Variants in LBX2 observed in about 807,000 individuals in gnomAD.
The protein encoded by LBX2 is ladybird homeobox 2.
LBX2 carries 6 observed loss-of-function variants against 7.5 expected under a neutral mutation model. The observed-to-expected ratio is 0.80, with a 90% CI of 0.44 to 1.59. The LOEUF (loss-of-function observed/expected upper bound fraction) is 1.59. LBX2 is among the 40% of genes most tolerant of loss of function. The pLI is 0.01. For missense variants in LBX2, 281 were observed against 282.0 expected (o/e 1.00, Z 0.03); for synonymous variants, 143 against 133.2 (o/e 1.07, Z -0.51).
At chr2:74,500,470 C>T (rs911388143), upstream of LBX2, among the ~76,000 whole-genome samples, 5 of 152,162 alleles carry the variant, frequency 3.3e-5, no homozygotes, top group Non-Finnish European at 7.4e-5. Flanking sequence ...AGCAAGGTGC[C>T]CTGACCAGAG....
At position 74,498,088 on chromosome 2, in the gene LBX2, C is replaced by T. The variant is rs1474248856; in HGVS notation, c.436G>A (p.Glu146Lys). 1 of 1,613,236 alleles carries T rather than the reference C, an allele frequency of 6.2e-7. No homozygotes were observed. ...RRAKLKRDVEEMRADVASLRA... is the reference protein window; with the variant it reads ...RRAKLKRDVEKMRADVASLRA... Reference sequence around the variant, plus strand: ...AGCGAGGCGACGTCGGCGCGCATCTCCTCCACATCGCGCTTGAGCTTGGCT... The same window carrying T: ...AGCGAGGCGACGTCGGCGCGCATCTTCTCCACATCGCGCTTGAGCTTGGCT... The change falls in exon 2 of 2, where the codon GAG becomes AAG. Residue 146 changes from glutamate to lysine, a missense_variant. By Grantham distance (56) the Glu-to-Lys change is moderately conservative (BLOSUM62 1). This residue lies in a region of LBX2 where 216 missense variants were observed against 208.7 expected (regional missense o/e 1.03). Coordinates refer to ENST00000377566, the MANE Select transcript of LBX2 (RefSeq NM_001282430.2).
chr2:74,502,400 T>C (rs1674502797), upstream of LBX2: 2 of 487,660 alleles, frequency 4.1e-6, no homozygotes, highest in Admixed American at 3.9e-5. This position sits in a 1 kb window ranked among gnomAD's most constrained non-coding sequence, Gnocchi z 5.4. Flanking sequence ...ATTCTGTGAA[T>C]GTGTAGCAGG....
upstream of LBX2, among the ~76,000 whole-genome samples, chr2:74,500,430 G>C (rs960516967): frequency 6.6e-6 from 1 of 152,104 alleles, no homozygotes; most frequent in South Asian, 2.1e-4. Flanking sequence ...GGTTTCCCCA[G>C]CCTGCAGAGG....
In LBX2 at chr2:74,499,562, G is replaced by A. The variant is rs1239097820; in HGVS notation, c.-25C>T. ...TGGTCGGCCGGGCTGGGGCGGTCCG[G>A]CTGTCCGTTGCGCTAGGCTCCGCAA... is the stretch of plus-strand genomic sequence containing the variant. On this transcript the variant is annotated 5_prime_UTR_variant, in exon 1 of 2. Transcript: ENST00000377566. This position sits in a 1 kb window ranked among gnomAD's most constrained non-coding sequence, Gnocchi z 4.6. 2 of 1,539,324 alleles carry A rather than the reference G, an allele frequency of 1.3e-6. No individual in the cohort carries two copies. The highest frequency in any genetic ancestry group is 2.2e-4 in the Middle Eastern group (1 of 4,516).
In LBX2 at chr2:74,499,350, G is replaced by A; in HGVS notation, c.188C>T (p.Ala63Val). 2 of 1,550,540 alleles carry A rather than the reference G, an allele frequency of 1.3e-6. No homozygotes were observed. The highest frequency in any genetic ancestry group is 1.7e-6 in the Non-Finnish European group (2 of 1,146,910). The change falls in exon 1 of 2, where the codon GCT becomes GTT. Residue 63 changes from alanine to valine, a missense_variant. Coordinates refer to ENST00000377566, the MANE Select transcript of LBX2 (RefSeq NM_001282430.2). The surrounding 1 kb of genome is among the most constrained non-coding windows in gnomAD (Gnocchi z 4.6). ...SKTFRGLDARALQPSEGRAGP... is the reference protein window; with the variant it reads ...SKTFRGLDARVLQPSEGRAGP... ...CTCTATACCTTCAGAGGGCTGCAGAGCGCGCGCGTCAAGTCCGCGGAAAGT... is the reference window on the plus strand; with the variant it reads ...CTCTATACCTTCAGAGGGCTGCAGAACGCGCGCGTCAAGTCCGCGGAAAGT...
chr2:74,499,201 G>A lies in LBX2; in HGVS notation c.205+132C>T, dbSNP rs1674431672. 3.8e-6 allele frequency: 3 copies of A among 792,756 alleles called. No individual in the cohort carries two copies. The highest frequency in any genetic ancestry group is 6.1e-6 in the Non-Finnish European group (3 of 489,842). 49.1% of individuals were successfully genotyped at this position (792,756 alleles called of 1,614,324 possible). A position where few individuals can be genotyped will look rare whatever the true frequency, so the allele number is the denominator to read the frequency against. ...TGAGAAGTCGCAGGTGCGAGTCCTG[G>A]CACGTGGGCTGAGGACAGGGGAGGA... is the stretch of plus-strand genomic sequence containing the variant. On this transcript the variant is annotated intron_variant, in intron 1 of 1. Coordinates refer to ENST00000377566, the MANE Select transcript of LBX2 (RefSeq NM_001282430.2). The surrounding 1 kb of genome is among the most constrained non-coding windows in gnomAD (Gnocchi z 4.6).
At chr2:74,500,770 G>A (rs1674469284), upstream of LBX2, among the ~76,000 whole-genome samples, 1 of 152,190 alleles carries the variant, frequency 6.6e-6, no homozygotes, top group Non-Finnish European at 1.5e-5. Context: ...CCAAACAGCT[G>A]GAGGATTCAC....
Position 74,498,013 on chromosome 2 carries a change from C to G in LBX2, c.511G>C (p.Ala171Pro), listed in dbSNP as rs201832456. 1.2e-6 allele frequency: 2 copies of G among 1,610,928 alleles called. No individual in the cohort carries two copies. Among genetic ancestry groups the G allele is most frequent in the East Asian group, 4.5e-5 (2 of 44,710 alleles). Reference sequence around the variant, plus strand: ...CCGAGGCAGAGGCCGGGATCTGGAGCGCCTTCGGGCAGTGCTAAGCTGCAC... The same window carrying G: ...CCGAGGCAGAGGCCGGGATCTGGAGGGCCTTCGGGCAGTGCTAAGCTGCAC... ...VLCSLALPEG[A>P]PDPGLCLGPA... Residue 171 changes from alanine (A) to proline (P), a missense_variant, in exon 2 of 2, where the codon GCT becomes CCT. By Grantham distance (27) the Ala-to-Pro change is conservative. Around this residue, in one of 3 missense-constraint regions of LBX2, gnomAD observed 59 missense variants for 52.9 expected, o/e 1.11. Coordinates refer to ENST00000377566, the MANE Select transcript of LBX2 (RefSeq NM_001282430.2).
At chr2:74,502,366 T>G, upstream of LBX2, 1 of 418,244 alleles carries the variant, frequency 2.4e-6, no homozygotes, top group Non-Finnish European at 4.3e-6. The surrounding 1 kb of genome is among the most constrained non-coding windows in gnomAD (Gnocchi z 5.4). Flanking sequence ...TAGTCTCGGA[T>G]TGCCGGCCCG....
In LBX2 at chr2:74,498,267, C is replaced by G; in HGVS notation, c.257G>C (p.Arg86Pro). Residue 86 changes from arginine to proline, a missense_variant, in exon 2 of 2, where the codon CGC becomes CCC. Arg to Pro is a moderately radical substitution (Grantham distance 103). Transcript: ENST00000377566. ...LGPGPFGRKR[R>P]KSRTAFTAQQ... ...CGCGGTGAACGCAGTGCGTGACTTG[C>G]GCCGTTTGCGGCCGAAGGGACCAGG... The G allele has an allele frequency of 6.3e-7, 1 of 1,589,066 alleles. No homozygotes were observed. Among genetic ancestry groups the G allele is most frequent in the Non-Finnish European group, 8.5e-7 (1 of 1,171,232 alleles).
upstream of LBX2, chr2:74,502,242 C>T (rs113362902): frequency 5.1e-6 from 1 of 196,602 alleles, no homozygotes; most frequent in Non-Finnish European, 1.0e-5. This position sits in a 1 kb window ranked among gnomAD's most constrained non-coding sequence, Gnocchi z 5.4. Context: ...TCAGCCCTAC[C>T]CCCACCTTAT....
upstream of LBX2, chr2:74,499,848 A>T: frequency 2.4e-6 from 1 of 415,372 alleles, no homozygotes. The surrounding 1 kb of genome is among the most constrained non-coding windows in gnomAD (Gnocchi z 4.6). Context: ...CACCGTGCAC[A>T]GTCAGGCCGG....
At chr2:74,502,640 C>T, upstream of LBX2, 2 of 1,608,956 alleles carry the variant, frequency 1.2e-6, no homozygotes, top group Non-Finnish European at 1.7e-6. The surrounding 1 kb of genome is among the most constrained non-coding windows in gnomAD (Gnocchi z 5.4). Context: ...GCGGAGTGAA[C>T]CGGTCCTTAT....
rs932114491 is a variant in LBX2 at position 74,499,472 on chromosome 2, C to T, written c.66G>A (p.Pro22=). Residue 22 remains proline (P), a synonymous_variant, in exon 1 of 2, where the codon CCG becomes CCA. Transcript: ENST00000377566. This position sits in a 1 kb window ranked among gnomAD's most constrained non-coding sequence, Gnocchi z 4.6. ...CAGAGGGTGCTCGGGGGACCATGCG[C>T]GGGGCTAGGATGTCTGCGATGCTTA... ...TLLSIADILA[P]RMVPRAPSAP... is the part of the protein sequence containing the mutation. The T allele has an allele frequency of 1.9e-6, 3 of 1,550,366 alleles. No homozygotes were observed. The African/African-American group carries it at 4.1e-5, about 21-fold the overall frequency.
chr2:74,501,305 C>T (rs140964279), upstream of LBX2, among the ~76,000 whole-genome samples: 337 of 152,264 alleles, frequency 2.2e-3, 2 homozygotes, highest in Middle Eastern at 6.8e-3. Flanking sequence ...GAGAGATCTT[C>T]GGGCTACAGG....
upstream of LBX2, among the ~76,000 whole-genome samples, chr2:74,500,521 T>C (rs1349904321): frequency 6.6e-6 from 1 of 152,218 alleles, no homozygotes; most frequent in Non-Finnish European, 1.5e-5. Context: ...AAGGGCAGAC[T>C]TCACGGACCC....
At chr2:74,498,445 G>A (rs1469874289) in intron 1 of LBX2, 127 bp from the exon 2 acceptor site, 3 of 734,578 alleles carry the variant, frequency 4.1e-6, no homozygotes, top group Non-Finnish European at 6.5e-6. Flanking sequence ...GAAGGCGGAC[G>A]GAGACCAGAA....
At chr2:74,503,073 G>A (rs1015421742), upstream of LBX2, 12 of 511,720 alleles carry the variant, frequency 2.3e-5, no homozygotes, top group Non-Finnish European at 4.1e-5. The surrounding 1 kb of genome is among the most constrained non-coding windows in gnomAD (Gnocchi z 5.1). Flanking sequence ...GGGTGCAGAC[G>A]GCGCCCTGGG....
upstream of LBX2, chr2:74,502,052 C>A (rs934176041): frequency 6.6e-6 from 1 of 151,764 alleles, no homozygotes; most frequent in African/African-American, 2.4e-5. This position sits in a 1 kb window ranked among gnomAD's most constrained non-coding sequence, Gnocchi z 5.4. Context: ...TTCAGGCAGT[C>A]TCTTGTGTTT....
Sources: gnomAD v4.1 joint callset for allele counts (sites outside exome capture counted in the v4.1 genomes callset) on GRCh38, gnomAD v4.1.1 for gene constraint, gnomAD v4.1.1 regional missense constraint, Gnocchi (gnomAD v3.1) non-coding constraint, MANE v1.5 for transcripts, NCBI Gene and HGNC (gene_info 2026-07-23, HGNC 2026-07-21) for gene names.